The following NTM variants were observed in gnomAD, a reference collection of about 807,000 sequenced individuals.
The protein encoded by NTM is neurotrimin, also known as IgLON family member 2.
Under a neutral mutation model 42.1 loss-of-function variants are expected in NTM, and 13 were observed. The ratio of observed to expected loss-of-function variants is 0.31; its 90% CI spans 0.20 to 0.49. NTM has a LOEUF of 0.49. Ranked by LOEUF, NTM falls within the 20% of genes least tolerant of loss-of-function variation. The probability of loss-of-function intolerance (pLI) is 0.99; values close to 1 mark genes in which losing one functional copy is unlikely to be tolerated. For synonymous variants in NTM, 187 were observed against 179.2 expected, an observed-to-expected ratio of 1.04 and a Z score of -0.35; for missense variants, 373 against 452.8, an observed-to-expected ratio of 0.82 and a Z score of 1.60.
In NTM at chr11:131,497,543, C is replaced by A. The variant is rs180947248; in HGVS notation, c.82+126655C>A. The stretch of plus-strand genomic sequence containing the variant: ...GAGAGTCTACATGATGTGTGGTGCC[C>A]ATGTTGGGAGTACAACCACATTAAA... On this transcript the variant is annotated intron_variant, in intron 1 of 8. Transcript: ENST00000683400. Among the ~76,000 whole-genome samples, 4 of 152,222 alleles carry A rather than the reference C, an allele frequency of 2.6e-5. No homozygotes were observed. The East Asian group carries it at 7.7e-4, about 29-fold the overall frequency.
chr11:132,084,835 A>C (rs1315181342), intron 2 of NTM, among the ~76,000 whole-genome samples: 1 of 151,974 alleles, frequency 6.6e-6, no homozygotes, highest in African/African-American at 2.4e-5. Flanking sequence ...GAGAAAGCCA[A>C]ATTTTACCCT....
intron 1 of NTM, among the ~76,000 whole-genome samples, chr11:131,909,459 T>TAACAAC (rs56358928): frequency 0.13 from 19,344 of 152,132 alleles, 1,312 homozygotes; most frequent in African/African-American, 0.15. Context: ...TAACAGTTGT[T>TAACAAC]AACAACAACA....
chr11:132,084,420 T>A (rs114873093), intron 2 of NTM, among the ~76,000 whole-genome samples: 2,184 of 152,278 alleles, frequency 0.014, 64 homozygotes, highest in African/African-American at 0.051. Flanking sequence ...CTGAAGAAGA[T>A]TAAACACATT....
intron 1 of NTM, among the ~76,000 whole-genome samples, chr11:131,669,606 G>T (rs377229724): frequency 2.0e-5 from 3 of 152,122 alleles, no homozygotes; most frequent in African/African-American, 7.2e-5. Context: ...GCAATTCAGC[G>T]GTGGGGGCAC....
intron 1 of NTM, among the ~76,000 whole-genome samples, chr11:131,402,748 C>T (rs1015757076): frequency 7.9e-5 from 12 of 152,244 alleles, no homozygotes; most frequent in African/African-American, 2.9e-4. Context: ...TATCCTCTGG[C>T]CATATAAGTA....
intron 2 of NTM, among the ~76,000 whole-genome samples, chr11:132,056,910 A>G (rs1325566565): frequency 6.6e-6 from 1 of 152,154 alleles, no homozygotes; most frequent in Non-Finnish European, 1.5e-5. Flanking sequence ...TGAATGAGTC[A>G]CCACCAGCTG....
intron 2 of NTM, among the ~76,000 whole-genome samples, chr11:132,076,970 G>T (rs2058449412): frequency 6.6e-6 from 1 of 152,126 alleles, no homozygotes; most frequent in African/African-American, 2.4e-5. Context: ...TGTGTGAACT[G>T]CAATTCTTTC....
intron 8 of NTM, chr11:132,332,516 C>T (rs550132631): frequency 6.6e-6 from 1 of 152,290 alleles, no homozygotes; most frequent in East Asian, 1.9e-4. Context: ...AATTTTCTAA[C>T]ACAACAAACA....
At chr11:131,989,814 T>A (rs1331556677) in intron 2 of NTM, among the ~76,000 whole-genome samples, 2 of 152,098 alleles carry the variant, frequency 1.3e-5, no homozygotes, top group Non-Finnish European at 2.9e-5. Context: ...GGTCATGCAG[T>A]CTTGCTTCAG....
chr11:132,267,841 C>CAA (rs61564878), intron 4 of NTM, among the ~76,000 whole-genome samples: 2 of 137,138 alleles, frequency 1.5e-5, no homozygotes, highest in East Asian at 2.1e-4. Context: ...GACTCCATCT[C>CAA]AAAAAAAAAA....
chr11:131,587,669 A>G (rs2058993819), intron 1 of NTM, among the ~76,000 whole-genome samples: 1 of 152,318 alleles, frequency 6.6e-6, no homozygotes, highest in East Asian at 1.9e-4. Flanking sequence ...TTATTTCACC[A>G]GTCATAACAC....
At chr11:131,916,372 C>G (rs1282742979) in intron 2 of NTM, among the ~76,000 whole-genome samples, 1 of 152,214 alleles carries the variant, frequency 6.6e-6, no homozygotes, top group African/African-American at 2.4e-5. Context: ...TGCATTCTTT[C>G]CTGGGGATCA....
chr11:132,307,698 T>C lies in NTM; in HGVS notation c.536T>C (p.Phe179Ser), dbSNP rs146080211. 1.2e-6 allele frequency: 2 copies of C among 1,614,086 alleles called. No individual in the cohort carries two copies. Among genetic ancestry groups the C allele is most frequent in the African/African-American group, 1.3e-5 (1 of 74,936 alleles). Reference protein sequence around the residue: ...WRHISPKAVGFVSEDEYLEIQ... With the variant: ...WRHISPKAVGSVSEDEYLEIQ... ...ACCGGTTTTCCCGCAGCGGTTGGCTTTGTGAGTGAAGACGAATACTTGGAA... is the reference window on the plus strand; with the variant it reads ...ACCGGTTTTCCCGCAGCGGTTGGCTCTGTGAGTGAAGACGAATACTTGGAA... The change falls in exon 5 of 9, where the codon TTT (phenylalanine) becomes TCT (serine). Residue 179 changes from phenylalanine (F) to serine (S), a missense_variant. By Grantham distance (155) the Phe-to-Ser change is radical. Around this residue, in one of 3 missense-constraint regions of NTM, gnomAD observed 312 missense variants for 353.5 expected, o/e 0.88. Transcript: ENST00000683400.
intron 2 of NTM, among the ~76,000 whole-genome samples, chr11:131,948,384 A>AAAAACAAGAAAAAG (rs2060601037): frequency 6.8e-6 from 1 of 147,518 alleles, no homozygotes; most frequent in South Asian, 2.2e-4. Context: ...AAAAAAACAA[A>AAAAACAAGAAAAAG]AAAACAAAAA....
At chr11:131,725,147 C>G (rs1196054434) in intron 1 of NTM, among the ~76,000 whole-genome samples, 3 of 152,152 alleles carry the variant, frequency 2.0e-5, no homozygotes, top group Non-Finnish European at 4.4e-5. Context: ...CAATGAAGGC[C>G]ATGATGGATG....
At chr11:131,866,315 TG>T (rs1840608669) in intron 1 of NTM, among the ~76,000 whole-genome samples, 1 of 152,212 alleles carries the variant, frequency 6.6e-6, no homozygotes, top group African/African-American at 2.4e-5. Flanking sequence ...AGATTGCCTG[TG>T]GGGGTGGGGC....
chr11:131,740,356 T>G (rs1251377207), intron 1 of NTM, among the ~76,000 whole-genome samples: 2 of 152,202 alleles, frequency 1.3e-5, no homozygotes, highest in Non-Finnish European at 2.9e-5. Context: ...GTGCACAAAA[T>G]GAATACTCAC....
intron 1 of NTM, among the ~76,000 whole-genome samples, chr11:131,424,707 C>T (rs1947923121): frequency 7.1e-6 from 1 of 140,582 alleles, no homozygotes; most frequent in African/African-American, 2.7e-5. Context: ...CTGCAGGCAC[C>T]CACCACCATG....
intron 2 of NTM, among the ~76,000 whole-genome samples, chr11:131,922,959 CT>C (rs1255549289): frequency 2.0e-5 from 3 of 152,166 alleles, no homozygotes; most frequent in Non-Finnish European, 4.4e-5. Flanking sequence ...CTTACTAAGA[CT>C]GTTCTTGACT....
Sources: gnomAD v4.1 joint callset for allele counts (sites outside exome capture counted in the v4.1 genomes callset) on GRCh38, gnomAD v4.1.1 for gene constraint, gnomAD v4.1.1 regional missense constraint, MANE v1.5 for transcripts, NCBI Gene and HGNC (gene_info 2026-07-23, HGNC 2026-07-21) for gene names.